LDB2: variants seen among roughly 807,000 people sequenced by gnomAD.
LDB2 encodes LIM domain-binding protein 2.
In LDB2, 12 loss-of-function variants were observed where a neutral mutation model predicts 44.3. That is an observed-to-expected ratio of 0.27 (90% CI 0.17 to 0.44). The LOEUF (loss-of-function observed/expected upper bound fraction) is 0.44, where lower values mean the gene tolerates loss of function less well. Among genes scored for constraint, LDB2 ranks in the 20% least tolerant of loss-of-function variants. LDB2 has a pLI of 1.00. For synonymous variants in LDB2, 164 were observed against 174.8 expected, an observed-to-expected ratio of 0.94 and a Z score of 0.49; for missense variants, 344 against 473.5, an observed-to-expected ratio of 0.73 and a Z score of 2.54.
At position 16,567,982 on chromosome 4, in the gene LDB2, C is replaced by T. The variant is rs191029219; in HGVS notation, c.615+17940G>A. On this transcript the variant is annotated intron_variant, in intron 5 of 7. Transcript: ENST00000304523. ...ATACTGATTAGGAATTGGAAAGTGACGGTGAGAAATGGAAAATCATAGAAC... is the reference window on the plus strand; with the variant it reads ...ATACTGATTAGGAATTGGAAAGTGATGGTGAGAAATGGAAAATCATAGAAC... Among the ~76,000 whole-genome samples, 887 of 152,088 alleles carry T rather than the reference C, an allele frequency of 5.8e-3. 12 individuals are homozygous for T. Among genetic ancestry groups the T allele is most frequent in the African/African-American group, 0.02 (816 of 41,488 alleles).
At chr4:16,622,374 C>T (rs1729126596) in intron 2 of LDB2, among the ~76,000 whole-genome samples, 1 of 152,114 alleles carries the variant, frequency 6.6e-6, no homozygotes. Context: ...TACTTGCTTA[C>T]AAAAAGAAAG....
chr4:16,523,015 T>C (rs1726851091), intron 5 of LDB2, among the ~76,000 whole-genome samples: 1 of 152,232 alleles, frequency 6.6e-6, no homozygotes, highest in Non-Finnish European at 1.5e-5. Context: ...TGAAGGCCAG[T>C]GGCCCAGAAT....
chr4:16,663,998 G>A (rs943291479), intron 2 of LDB2, among the ~76,000 whole-genome samples: 7 of 151,728 alleles, frequency 4.6e-5, no homozygotes, highest in Non-Finnish European at 8.8e-5. Flanking sequence ...GCTAGAGGGT[G>A]GAGGGGCAAA....
chr4:16,773,925 A>C (rs1771265797), intron 1 of LDB2, among the ~76,000 whole-genome samples: 1 of 150,474 alleles, frequency 6.6e-6, no homozygotes, highest in Non-Finnish European at 1.5e-5. Flanking sequence ...GAGGCCAAGA[A>C]AGGTGGATCA....
chr4:16,565,547 A>G (rs1744192303), intron 5 of LDB2, among the ~76,000 whole-genome samples: 1 of 152,036 alleles, frequency 6.6e-6, no homozygotes, highest in Admixed American at 6.6e-5. Flanking sequence ...TAATGAAAAA[A>G]TCTAGAAGCA....
chr4:16,627,730 G>T (rs1226869354), intron 2 of LDB2, among the ~76,000 whole-genome samples: 1 of 152,186 alleles, frequency 6.6e-6, no homozygotes, highest in Non-Finnish European at 1.5e-5. Flanking sequence ...TTCTCTTTGT[G>T]TGTTGGCTGA....
chr4:16,786,083 T>C (rs1254812540), intron 1 of LDB2, among the ~76,000 whole-genome samples: 1 of 152,150 alleles, frequency 6.6e-6, no homozygotes, highest in Non-Finnish European at 1.5e-5. Context: ...CTGGAACAAA[T>C]ACCTTAAGAA....
At chr4:16,802,394 C>A (rs1024952179) in intron 1 of LDB2, among the ~76,000 whole-genome samples, 1 of 152,134 alleles carries the variant, frequency 6.6e-6, no homozygotes, top group African/African-American at 2.4e-5. Context: ...AAACAAGCAG[C>A]CTGGAGTGAG....
At chr4:16,541,289 T>C (rs982898497) in intron 5 of LDB2, among the ~76,000 whole-genome samples, 1 of 152,062 alleles carries the variant, frequency 6.6e-6, no homozygotes, top group South Asian at 2.1e-4. Context: ...GATCTGGTTG[T>C]TGTAAAGTGT....
rs1720742621 is a variant in LDB2 at position 16,595,882 on chromosome 4, G to C, written c.236-7C>G. Reference sequence around the variant, plus strand: ...ATGAGGGTCCTGCCGATAGCTGGGAGAGAAACACAGAGAAACAAACCATTA... The same window carrying C: ...ATGAGGGTCCTGCCGATAGCTGGGACAGAAACACAGAGAAACAAACCATTA... On this transcript the variant is annotated splice_region_variant and splice_polypyrimidine_tract_variant and intron_variant, in intron 2 of 7. Coordinates refer to ENST00000304523, the MANE Select transcript of LDB2 (RefSeq NM_001290.5). The C allele has an allele frequency of 6.2e-7, 1 of 1,611,658 alleles. No homozygotes were observed. Among genetic ancestry groups the C allele is most frequent in the South Asian group, 1.1e-5 (1 of 90,746 alleles).
At chr4:16,819,092 TTGTG>T (rs34553159) in intron 1 of LDB2, among the ~76,000 whole-genome samples, 79,433 of 148,704 alleles carry the variant, frequency 0.53, 21,408 homozygotes, top group East Asian at 0.66. Context: ...TTGTGGTTGC[TTGTG>T]TGTGTGTGTG....
chr4:16,573,609 T>A (rs1015015731), intron 5 of LDB2, among the ~76,000 whole-genome samples: 1 of 152,214 alleles, frequency 6.6e-6, no homozygotes, highest in Admixed American at 6.5e-5. Flanking sequence ...GAATAGCAGC[T>A]TTTATGCTTA....
At chr4:16,525,079 C>T (rs1480069169) in intron 5 of LDB2, among the ~76,000 whole-genome samples, 1 of 152,204 alleles carries the variant, frequency 6.6e-6, no homozygotes, top group Admixed American at 6.5e-5. Context: ...CTATCTTGTT[C>T]ATGCAGTTAT....
At chr4:16,769,390 G>A (rs1313255504) in intron 1 of LDB2, among the ~76,000 whole-genome samples, 1 of 151,506 alleles carries the variant, frequency 6.6e-6, no homozygotes, top group Non-Finnish European at 1.5e-5. Context: ...TCCGCCCCTT[G>A]GGTTCAAGCG....
At chr4:16,824,735 A>G (rs539607852) in intron 1 of LDB2, among the ~76,000 whole-genome samples, 8 of 152,240 alleles carry the variant, frequency 5.3e-5, no homozygotes, top group Non-Finnish European at 1.0e-4. Flanking sequence ...CAATTTCTGA[A>G]GAATTTACCC....
At chr4:16,877,053 G>A (rs1718635939) in intron 1 of LDB2, among the ~76,000 whole-genome samples, 2 of 152,120 alleles carry the variant, frequency 1.3e-5, no homozygotes, top group African/African-American at 4.8e-5. Context: ...GATGGCAGGT[G>A]TGTGCCACCA....
At chr4:16,842,664 T>C (rs1312954821) in intron 1 of LDB2, among the ~76,000 whole-genome samples, 3 of 152,222 alleles carry the variant, frequency 2.0e-5, no homozygotes, top group Non-Finnish European at 4.4e-5. Context: ...GAGTAGTGGA[T>C]ATTGTTAAGA....
intron 1 of LDB2, among the ~76,000 whole-genome samples, chr4:16,805,019 G>C (rs1778513856): frequency 6.6e-6 from 1 of 152,012 alleles, no homozygotes; most frequent in Non-Finnish European, 1.5e-5. Flanking sequence ...TATTCATACA[G>C]CAAAGAGGAG....
intron 2 of LDB2, among the ~76,000 whole-genome samples, chr4:16,712,870 C>A (rs1020458130): frequency 7.9e-5 from 12 of 152,132 alleles, no homozygotes; most frequent in Non-Finnish European, 1.3e-4. Flanking sequence ...TCTTCAAGAA[C>A]AATAAAAACA....
Sources: gnomAD v4.1 joint callset for allele counts (sites outside exome capture counted in the v4.1 genomes callset) on GRCh38, gnomAD v4.1.1 for gene constraint, MANE v1.5 for transcripts, NCBI Gene and HGNC (gene_info 2026-07-23, HGNC 2026-07-21) for gene names.